Variants in DOCK3 observed in about 807,000 individuals in gnomAD.
The protein encoded by DOCK3 is dedicator of cytokinesis 3.
A neutral mutation model predicts 265.6 loss-of-function variants in DOCK3; 60 were observed. The ratio of observed to expected loss-of-function variants is 0.23; its 90% confidence interval spans 0.18 to 0.28. DOCK3 has a LOEUF of 0.28. Among genes scored for constraint, DOCK3 ranks in the 10% least tolerant of loss-of-function variants. The pLI is 1.00. For synonymous variants in DOCK3, 881 were observed against 938.0 expected, an observed-to-expected ratio of 0.94 and a Z score of 1.11; for missense variants, 1,981 against 2,594.3, an observed-to-expected ratio of 0.76 and a Z score of 5.14.
intron 5 of DOCK3, among the ~76,000 whole-genome samples, chr3:50,960,824 C>T (rs1473670967): frequency 6.6e-6 from 1 of 151,908 alleles, no homozygotes; most frequent in Non-Finnish European, 1.5e-5. Flanking sequence ...ATATTTAGAC[C>T]TATAATCCAT....
chr3:51,228,557 G>C, intron 17 of DOCK3, 104 bp from the exon 18 acceptor site: 1 of 1,318,474 alleles, frequency 7.6e-7, no homozygotes, highest in Non-Finnish European at 1.0e-6. Flanking sequence ...CCAACGTTCA[G>C]CCTTAGGAAG....
chr3:50,869,165 G>A (rs1407798991), intron 3 of DOCK3, among the ~76,000 whole-genome samples: 2 of 149,878 alleles, frequency 1.3e-5, no homozygotes, highest in Non-Finnish European at 3.0e-5. Flanking sequence ...CAGTAGAGAC[G>A]GGGTTTCACT....
intron 3 of DOCK3, among the ~76,000 whole-genome samples, chr3:50,855,162 G>A (rs1230598196): frequency 6.6e-6 from 1 of 152,062 alleles, no homozygotes; most frequent in African/African-American, 2.4e-5. Context: ...CTAATTCTGT[G>A]TAAAATGATA....
At chr3:51,014,668 G>GT (rs1202624114) in intron 5 of DOCK3, among the ~76,000 whole-genome samples, 1 of 152,044 alleles carries the variant, frequency 6.6e-6, no homozygotes. Flanking sequence ...TGTTAGGATT[G>GT]TTTTTTCTAT....
At chr3:50,975,886 G>C (rs1254364203) in intron 5 of DOCK3, among the ~76,000 whole-genome samples, 1 of 149,522 alleles carries the variant, frequency 6.7e-6, no homozygotes, top group African/African-American at 2.5e-5. Flanking sequence ...TGTATGTGTC[G>C]AGGAATTTAT....
At chr3:50,887,180 T>C (rs1260375144) in intron 3 of DOCK3, among the ~76,000 whole-genome samples, 1 of 151,858 alleles carries the variant, frequency 6.6e-6, no homozygotes, top group Non-Finnish European at 1.5e-5. Context: ...ATAAAGGGGA[T>C]ATCACCACCG....
intron 5 of DOCK3, among the ~76,000 whole-genome samples, chr3:50,948,496 T>C (rs1244563364): frequency 4.8e-5 from 7 of 147,328 alleles, no homozygotes; most frequent in Non-Finnish European, 1.0e-4. Flanking sequence ...CTCCAACTCC[T>C]GGACTCAAGA....
At chr3:50,846,663 A>G (rs2046098752) in intron 3 of DOCK3, among the ~76,000 whole-genome samples, 1 of 152,066 alleles carries the variant, frequency 6.6e-6, no homozygotes, top group Non-Finnish European at 1.5e-5. Flanking sequence ...TAGGTTTTTT[A>G]TTACTGATTC....
intron 1 of DOCK3, among the ~76,000 whole-genome samples, chr3:50,682,349 AT>A (rs1211907712): frequency 6.6e-6 from 1 of 152,134 alleles, no homozygotes; most frequent in East Asian, 1.9e-4. Flanking sequence ...TTAAACACAT[AT>A]TTGCTGCATC....
At chr3:50,941,471 A>G (rs1484928549) in intron 5 of DOCK3, among the ~76,000 whole-genome samples, 1 of 152,156 alleles carries the variant, frequency 6.6e-6, no homozygotes, top group Non-Finnish European at 1.5e-5. Context: ...GTTAGAATGT[A>G]AAATGGCACA....
chr3:50,695,621 A>G (rs561015404), intron 1 of DOCK3, among the ~76,000 whole-genome samples: 3 of 152,330 alleles, frequency 2.0e-5, no homozygotes, highest in South Asian at 2.1e-4. Context: ...AGAGACTCAA[A>G]GAGCGCTAAG....
chr3:51,277,341 A>G (rs1010242544), intron 25 of DOCK3, among the ~76,000 whole-genome samples: 1 of 152,204 alleles, frequency 6.6e-6, no homozygotes, highest in Non-Finnish European at 1.5e-5. Flanking sequence ...ATCAAAATTA[A>G]TGTATCTGCT....
intron 9 of DOCK3, among the ~76,000 whole-genome samples, chr3:51,107,760 G>C (rs1030221513): frequency 3.3e-5 from 5 of 152,174 alleles, no homozygotes; most frequent in African/African-American, 1.2e-4. Context: ...CTTGGAAAAC[G>C]TATTTCATTA....
At chr3:50,728,601 AAGT>A (rs1204219693) in intron 1 of DOCK3, among the ~76,000 whole-genome samples, 1 of 152,164 alleles carries the variant, frequency 6.6e-6, no homozygotes, top group Admixed American at 6.5e-5. Flanking sequence ...TTTGTAATGA[AAGT>A]AGGGGAGACA....
chr3:51,300,105 GTTC>G (rs1472133201), intron 27 of DOCK3, among the ~76,000 whole-genome samples: 1 of 152,070 alleles, frequency 6.6e-6, no homozygotes, highest in Non-Finnish European at 1.5e-5. Context: ...GTGGTTTGTA[GTTC>G]TTCTTGAAGA....
At chr3:51,208,294 A>G (rs759734108) in intron 12 of DOCK3, among the ~76,000 whole-genome samples, 1 of 152,230 alleles carries the variant, frequency 6.6e-6, no homozygotes, top group African/African-American at 2.4e-5. Context: ...GCTTCATGCA[A>G]ATAGTATCAA....
intron 40 of DOCK3, among the ~76,000 whole-genome samples, chr3:51,351,433 C>T (rs912053781): frequency 1.3e-5 from 2 of 152,090 alleles, no homozygotes; most frequent in African/African-American, 2.4e-5. Context: ...AGTCTGCTAG[C>T]GGCAGAGTCC....
At chr3:50,962,804 T>C (rs1055431852) in intron 5 of DOCK3, among the ~76,000 whole-genome samples, 2 of 152,230 alleles carry the variant, frequency 1.3e-5, no homozygotes, top group African/African-American at 4.8e-5. Context: ...TCTGCAACCA[T>C]ATGCAGCGTA....
chr3:50,872,355 G>C (rs1422248166), intron 3 of DOCK3, among the ~76,000 whole-genome samples: 1 of 152,220 alleles, frequency 6.6e-6, no homozygotes, highest in Non-Finnish European at 1.5e-5. Flanking sequence ...ACCAGACAGA[G>C]ACTCTTGTTC....
Sources: gnomAD v4.1 joint callset for allele counts (sites outside exome capture counted in the v4.1 genomes callset) on GRCh38, gnomAD v4.1.1 for gene constraint, MANE v1.5 for transcripts, NCBI Gene and HGNC (gene_info 2026-07-23, HGNC 2026-07-21) for gene names.